The following FAM13B variants were observed in gnomAD, a reference collection of about 807,000 sequenced individuals.
The protein encoded by FAM13B is family with sequence similarity 13 member B.
In FAM13B, 60 loss-of-function variants were observed where a neutral mutation model predicts 117.3. The ratio of observed to expected loss-of-function variants is 0.51; its 90% confidence interval spans 0.42 to 0.63. The LOEUF is 0.63. Among genes scored for constraint, FAM13B ranks in the 30% least tolerant of loss-of-function variants. The pLI is 0.00. For missense variants in FAM13B, 972 were observed against 1,091.9 expected, an observed-to-expected ratio of 0.89 and a Z score of 1.55; for synonymous variants, 332 against 356.1, an observed-to-expected ratio of 0.93 and a Z score of 0.76.
chr5:137,953,541 A>C, intron 15 of FAM13B, 76 bp from the exon 16 acceptor site: 2 of 1,427,180 alleles, frequency 1.4e-6, no homozygotes, highest in Middle Eastern at 1.8e-4. Context: ...CTGACATGGC[A>C]CTATTAGCAA....
At chr5:137,975,151 A>C (rs564651820) in intron 10 of FAM13B, among the ~76,000 whole-genome samples, 1 of 152,134 alleles carries the variant, frequency 6.6e-6, no homozygotes, top group Non-Finnish European at 1.5e-5. Flanking sequence ...TTTCCTAGAC[A>C]CAAGTTACTT....
At chr5:138,026,800 A>C (rs935328011) in intron 1 of FAM13B, among the ~76,000 whole-genome samples, 1 of 151,682 alleles carries the variant, frequency 6.6e-6, no homozygotes, top group African/African-American at 2.4e-5. Flanking sequence ...TTAGCTGAGC[A>C]TGGTGGCACA....
chr5:137,949,398 G>C (rs1764303891), intron 17 of FAM13B, among the ~76,000 whole-genome samples: 1 of 152,188 alleles, frequency 6.6e-6, no homozygotes, highest in South Asian at 2.1e-4. Flanking sequence ...AGAACTTTGA[G>C]AGGCTGAAGC....
At chr5:138,003,012 AT>A (rs970853719) in intron 7 of FAM13B, among the ~76,000 whole-genome samples, 2 of 151,596 alleles carry the variant, frequency 1.3e-5, no homozygotes, top group African/African-American at 4.9e-5. Flanking sequence ...TTCCACTTCA[AT>A]TTTTCATTTG....
chr5:138,011,534 C>G (rs1784015662), intron 5 of FAM13B, among the ~76,000 whole-genome samples: 1 of 151,990 alleles, frequency 6.6e-6, no homozygotes, highest in Non-Finnish European at 1.5e-5. Context: ...ATTCTCCTGT[C>G]TCAGCCTCCC....
intron 1 of FAM13B, among the ~76,000 whole-genome samples, chr5:138,030,074 T>G (rs1471529638): frequency 6.6e-6 from 1 of 152,214 alleles, no homozygotes; most frequent in Non-Finnish European, 1.5e-5. Flanking sequence ...AGCCTAGGTC[T>G]TTTATACTTG....
intron 23 of FAM13B, 141 bp from the exon 24 acceptor site, chr5:137,940,489 A>AGTTCAATAACCTTTT: frequency 1.6e-6 from 1 of 615,564 alleles, no homozygotes; most frequent in Non-Finnish European, 2.8e-6. Flanking sequence ...AAAAAAGGTT[A>AGTTCAATAACCTTTT]TTGAACTAAT....
chr5:137,966,488 T>TATATATAGAGAGAGAGAGAG (rs1461425784), intron 10 of FAM13B, among the ~76,000 whole-genome samples: 7 of 29,478 alleles, frequency 2.4e-4, no homozygotes, highest in Non-Finnish European at 1.8e-4. Context: ...TATATATATA[T>TATATATAGAGAGAGAGAGAG]AGAGAGAGAG....
At chr5:137,976,648 A>G (rs2150465383) in intron 10 of FAM13B, among the ~76,000 whole-genome samples, 1 of 152,258 alleles carries the variant, frequency 6.6e-6, no homozygotes, top group South Asian at 2.1e-4. Flanking sequence ...CCCCAAATTA[A>G]TACTTTTATA....
At chr5:138,022,802 C>G (rs918517169) in intron 1 of FAM13B, among the ~76,000 whole-genome samples, 3 of 151,900 alleles carry the variant, frequency 2.0e-5, no homozygotes, top group East Asian at 1.9e-4. Context: ...GTTTAGAATG[C>G]CTTGTTAATG....
chr5:137,998,266 A>C (rs1780334526), intron 7 of FAM13B, among the ~76,000 whole-genome samples: 1 of 152,244 alleles, frequency 6.6e-6, no homozygotes, highest in Admixed American at 6.5e-5. Context: ...GTCTTAGCAT[A>C]AGTCCAGACA....
At chr5:138,033,481 G>A (rs1790731753), upstream of FAM13B, among the ~76,000 whole-genome samples, 2 of 152,208 alleles carry the variant, frequency 1.3e-5, no homozygotes, top group African/African-American at 4.8e-5. Context: ...GGTGACTTCG[G>A]TTCCCATTCC....
At chr5:137,962,294 T>G in intron 11 of FAM13B, 111 bp downstream of exon 11, 1 of 812,416 alleles carries the variant, frequency 1.2e-6, no homozygotes, top group Non-Finnish European at 2.0e-6. Flanking sequence ...TGTTTAAGAT[T>G]ATCTAAACTA....
chr5:137,984,194 A>G (rs886740940), intron 10 of FAM13B, among the ~76,000 whole-genome samples: 2 of 152,334 alleles, frequency 1.3e-5, no homozygotes, highest in East Asian at 3.9e-4. Flanking sequence ...CCTCTTTGGC[A>G]TAAGGATTAT....
intron 13 of FAM13B, among the ~76,000 whole-genome samples, chr5:137,959,360 A>T (rs981618985): frequency 1.3e-5 from 2 of 152,156 alleles, no homozygotes; most frequent in African/African-American, 2.4e-5. Flanking sequence ...GTGACTTTTT[A>T]AAAAAATCAG....
Position 137,953,339 on chromosome 5 carries a change from G to T in FAM13B, c.1845C>A (p.Ser615Arg). Residue 615 changes from serine to arginine, a missense_variant, in exon 16 of 24, where the codon AGC becomes AGA. Ser to Arg is a moderately radical substitution (Grantham distance 110, BLOSUM62 -1). Coordinates refer to ENST00000689681, the MANE Select transcript of FAM13B (RefSeq NM_001385994.1). The part of the protein sequence containing the change: ...FEEQFERERN[S>R]KPSYSDIAAN... ...CTGGGGAATGCTACAAACCTACCTT[G>T]CTATTTCTTTCCCTTTCAAACTGTT... 3 of 1,613,704 alleles carry T rather than the reference G, an allele frequency of 1.9e-6. No homozygotes were observed. The highest frequency in any genetic ancestry group is 1.7e-6 in the Non-Finnish European group (2 of 1,179,800).
intron 7 of FAM13B, among the ~76,000 whole-genome samples, chr5:137,994,512 C>T (rs1779386475): frequency 6.6e-6 from 1 of 152,182 alleles, no homozygotes. Context: ...AGTTATGCAT[C>T]TGCAGCTAAA....
intron 17 of FAM13B, among the ~76,000 whole-genome samples, chr5:137,949,480 AT>A (rs914565460): frequency 6.6e-6 from 1 of 152,108 alleles, no homozygotes; most frequent in African/African-American, 2.4e-5. Context: ...TCTACAAAAA[AT>A]TTTTTAAATT....
At chr5:137,957,681 C>T (rs749441187) in intron 13 of FAM13B, among the ~76,000 whole-genome samples, 9 of 152,104 alleles carry the variant, frequency 5.9e-5, no homozygotes, top group African/African-American at 1.4e-4. Flanking sequence ...CTGGGAAGTT[C>T]GCTCAGGTGT....
Sources: gnomAD v4.1 joint callset for allele counts (sites outside exome capture counted in the v4.1 genomes callset) on GRCh38, gnomAD v4.1.1 for gene constraint, MANE v1.5 for transcripts, NCBI Gene and HGNC (gene_info 2026-07-23, HGNC 2026-07-21) for gene names.